Variants in COL11A1 observed in about 807,000 individuals in gnomAD.
COL11A1 encodes the protein collagen type XI alpha 1 chain.
A neutral mutation model predicts 265.2 loss-of-function variants in COL11A1; 74 were observed. That is an observed-to-expected ratio of 0.28 (90% CI 0.23 to 0.34). COL11A1 has a LOEUF of 0.34. COL11A1 is among the 10% of genes least tolerant of loss of function. The pLI, the probability that COL11A1 is intolerant of heterozygous loss-of-function variation, is 1.00. For missense variants in COL11A1, 2,165 were observed against 2,263.6 expected, an observed-to-expected ratio of 0.96 and a Z score of 0.88; for synonymous variants, 816 against 727.6, an observed-to-expected ratio of 1.12 and a Z score of -1.96.
At chr1:103,103,479 TAAG>T (rs1354300967) in intron 1 of COL11A1, among the ~76,000 whole-genome samples, 1 of 151,978 alleles carries the variant, frequency 6.6e-6, no homozygotes, top group Non-Finnish European at 1.5e-5. Flanking sequence ...ATGACATAAT[TAAG>T]AATACAAATG....
chr1:102,986,012 A>C (rs1455086195), intron 30 of COL11A1, among the ~76,000 whole-genome samples: 1 of 152,162 alleles, frequency 6.6e-6, no homozygotes, highest in Admixed American at 6.6e-5. Context: ...TAAGGACATG[A>C]GGAATTTTCT....
intron 46 of COL11A1, among the ~76,000 whole-genome samples, chr1:102,931,694 GTTAAAGTCTCCCA>G: frequency 6.6e-6 from 1 of 152,106 alleles, no homozygotes; most frequent in Admixed American, 6.5e-5. Flanking sequence ...ACAGTGGGGT[GTTAAAGTCTCCCA>G]TTATTAATGT....
intron 54 of COL11A1, among the ~76,000 whole-genome samples, chr1:102,905,433 G>A (rs1653852934): frequency 6.8e-6 from 1 of 147,840 alleles, no homozygotes; most frequent in South Asian, 2.2e-4. Context: ...AGGAAGAAAG[G>A]AAGAAAAGAA....
intron 7 of COL11A1, among the ~76,000 whole-genome samples, chr1:103,025,167 C>T (rs936205867): frequency 1.3e-5 from 2 of 152,092 alleles, no homozygotes; most frequent in Non-Finnish European, 2.9e-5. Context: ...ATACAATTTT[C>T]ACTTTAGAGG....
intron 1 of COL11A1, among the ~76,000 whole-genome samples, chr1:103,085,970 C>T (rs1446307602): frequency 6.6e-6 from 1 of 152,144 alleles, no homozygotes; most frequent in African/African-American, 2.4e-5. Context: ...TAAGATTACT[C>T]TTAAGATCTG....
chr1:102,928,912 C>T (rs1485600725), intron 46 of COL11A1, among the ~76,000 whole-genome samples: 1 of 61,724 alleles, frequency 1.6e-5, no homozygotes, highest in Non-Finnish European at 4.9e-5. Context: ...AGTGTCTGTT[C>T]ATGTCCTTTG....
chr1:103,031,716 G>T (rs1668010944), intron 4 of COL11A1, among the ~76,000 whole-genome samples: 1 of 151,794 alleles, frequency 6.6e-6, no homozygotes, highest in Admixed American at 6.6e-5. Flanking sequence ...TAAATATATA[G>T]ATCCAACTAT....
At chr1:103,004,510 A>G (rs1557932565) in intron 19 of COL11A1, 22 bp from the exon 20 acceptor site, 1 of 1,607,824 alleles carries the variant, frequency 6.2e-7, no homozygotes, top group Admixed American at 1.7e-5. Context: ...AAAATGAATG[A>G]GAGTATAGAA....
chr1:103,005,140 A>G (rs1230350112), intron 18 of COL11A1, among the ~76,000 whole-genome samples: 1 of 152,116 alleles, frequency 6.6e-6, no homozygotes, highest in Non-Finnish European at 1.5e-5. Flanking sequence ...CATGTTAGAC[A>G]CATACTATAT....
chr1:103,028,005 G>T (rs1052120153), intron 5 of COL11A1, among the ~76,000 whole-genome samples: 1 of 151,720 alleles, frequency 6.6e-6, no homozygotes, highest in South Asian at 2.1e-4. Context: ...ACATCTTTCT[G>T]TTTTTTGTTT....
intron 30 of COL11A1, among the ~76,000 whole-genome samples, chr1:102,984,664 C>A (rs1197509407): frequency 1.3e-5 from 2 of 151,992 alleles, no homozygotes; most frequent in Non-Finnish European, 2.9e-5. Context: ...TCATGAGTTA[C>A]TTAACTTTTC....
intron 35 of COL11A1, among the ~76,000 whole-genome samples, chr1:102,977,262 C>T (rs991215367): frequency 2.0e-5 from 3 of 152,054 alleles, no homozygotes; most frequent in Non-Finnish European, 4.4e-5. Flanking sequence ...TGAAGGCATA[C>T]TTGGGATGAA....
In COL11A1 at chr1:103,025,590, T is replaced by C. The variant is rs534711652; in HGVS notation, c.921A>G (p.Gln307=). 7 of 1,613,760 alleles carry C rather than the reference T, an allele frequency of 4.3e-6. No homozygotes were observed. In the South Asian group the frequency reaches 6.6e-5, roughly 15 times the overall value. The change falls in exon 7 of 67, where the codon CAA becomes CAG. Residue 307 remains glutamine (Q), a synonymous_variant. Transcript: ENST00000370096. ...TTTCCATTGTTCCATAGTTGTATTC[T>C]TGAAAATCATCAACGATGTTTGCCT... The part of the protein sequence containing the change: ...QTEANIVDDF[Q]EYNYGTMESY...
At chr1:102,921,160 T>A (rs528404123) in intron 48 of COL11A1, among the ~76,000 whole-genome samples, 1 of 152,300 alleles carries the variant, frequency 6.6e-6, no homozygotes, top group East Asian at 1.9e-4. Flanking sequence ...AGCTTTTACA[T>A]GAAAGCCACT....
chr1:102,888,447 T>C, intron 62 of COL11A1, 130 bp downstream of exon 62: 1 of 802,866 alleles, frequency 1.2e-6, no homozygotes, highest in Non-Finnish European at 2.1e-6. Context: ...ACTTAAATGA[T>C]ATAATGTTTC....
chr1:103,034,851 G>A (rs921757073), intron 4 of COL11A1, among the ~76,000 whole-genome samples: 2 of 151,694 alleles, frequency 1.3e-5, no homozygotes, highest in Non-Finnish European at 2.9e-5. Context: ...CTCCCCTTCC[G>A]CCAGGCCTAC....
chr1:102,929,275 G>T (rs1186166054), intron 46 of COL11A1, among the ~76,000 whole-genome samples: 1 of 151,640 alleles, frequency 6.6e-6, no homozygotes, highest in Non-Finnish European at 1.5e-5. Context: ...TGTATAAGGT[G>T]TAAGGAAGGG....
intron 24 of COL11A1, among the ~76,000 whole-genome samples, chr1:102,999,102 T>C (rs960312587): frequency 6.6e-6 from 1 of 151,928 alleles, no homozygotes; most frequent in African/African-American, 2.4e-5. Context: ...CAGGTCATCG[T>C]TATTGACACA....
Position 102,915,614 on chromosome 1 carries a change from A to C in COL11A1, c.3816+17T>G. The C allele has an allele frequency of 6.2e-7, 1 of 1,602,340 alleles. No individual in the cohort carries two copies. Among genetic ancestry groups the C allele is most frequent in the Non-Finnish European group, 8.6e-7 (1 of 1,169,240 alleles). ...CAAACCAATAATACACTATGTTAAC[A>C]ATAACACAGTACTTACGCCTACACC... On this transcript the variant is annotated intron_variant, in intron 50 of 66. Coordinates refer to ENST00000370096, the MANE Select transcript of COL11A1 (RefSeq NM_001854.4).
Sources: allele counts gnomAD v4.1 joint callset (sites outside exome capture counted in the v4.1 genomes callset), GRCh38; gene constraint gnomAD v4.1.1; transcripts MANE v1.5; gene names NCBI Gene and HGNC (gene_info 2026-07-23, HGNC 2026-07-21).